The following PGBD2 variants were observed in gnomAD, a reference collection of about 807,000 sequenced individuals.
The protein encoded by PGBD2 is piggyBac transposable element derived 2, also known as piggyBac transposable element-derived protein 2.
A neutral mutation model predicts 8.1 loss-of-function variants in PGBD2; 6 were observed. That is an observed-to-expected ratio of 0.74 (90% confidence interval 0.40 to 1.46). The LOEUF is 1.46. Ranked by LOEUF, PGBD2 falls within the 40% of genes most tolerant of loss-of-function variation. The pLI, the probability that PGBD2 is intolerant of heterozygous loss-of-function variation, is 0.02. For missense variants in PGBD2, 802 were observed against 739.0 expected, an observed-to-expected ratio of 1.09 and a Z score of -0.99; for synonymous variants, 318 against 272.2, an observed-to-expected ratio of 1.17 and a Z score of -1.66.
rs1382771538 is a variant in PGBD2 at position 248,917,346 on chromosome 1, C to A, written c.762C>A (p.Cys254Ter). The A allele has an allele frequency of 3.7e-6, 6 of 1,614,158 alleles. No homozygotes were observed. The highest frequency in any genetic ancestry group is 5.1e-6 in the Non-Finnish European group (6 of 1,180,028). ...GACCTCTCATCATCCGGATGAACTGCAATTTCCAGAAGCATGCACCCTTGG... is the reference window on the plus strand; with the variant it reads ...GACCTCTCATCATCCGGATGAACTGAAATTTCCAGAAGCATGCACCCTTGG... ...KVRPLIIRMNCNFQKHAPLEE... is the reference protein window; with the variant it reads ...KVRPLIIRMN Residue 254 changes from cysteine to a stop codon, truncating the protein, a stop_gained, in exon 3 of 3, where the codon TGC becomes TGA. Coordinates refer to ENST00000329291, the MANE Select transcript of PGBD2 (RefSeq NM_170725.3). LOFTEE classifies it low-confidence loss of function (END_TRUNC).
downstream of PGBD2, among the ~76,000 whole-genome samples, chr1:248,920,610 G>A (rs1164555658): frequency 1.3e-5 from 2 of 152,278 alleles, no homozygotes; most frequent in African/African-American, 4.8e-5. Context: ...ACATATGTGT[G>A]CATGTGTCTT....
At chr1:248,895,207 A>G in the PGBD2 span, among the ~76,000 whole-genome samples, 2 of 152,186 alleles carry the variant, frequency 1.3e-5, no homozygotes, top group African/African-American at 4.8e-5. Context: ...GGAACTTAAC[A>G]AAGAGAAAGA....
chr1:248,921,534 G>A (rs1216037479), downstream of PGBD2, among the ~76,000 whole-genome samples: 2 of 152,152 alleles, frequency 1.3e-5, no homozygotes, highest in African/African-American at 2.4e-5. Flanking sequence ...TTTGCTTACT[G>A]TAGCCTTGTA....
chr1:248,908,698 T>TA (rs397747868), intron 1 of PGBD2, among the ~76,000 whole-genome samples: 3 of 151,516 alleles, frequency 2.0e-5, no homozygotes, highest in Non-Finnish European at 2.9e-5. Flanking sequence ...TTTTTTTTTT[T>TA]AAACTTCCCA....
At chr1:248,909,037 C>T (rs1183391207) in intron 1 of PGBD2, among the ~76,000 whole-genome samples, 1 of 152,192 alleles carries the variant, frequency 6.6e-6, no homozygotes, top group South Asian at 2.1e-4. Flanking sequence ...ACCTGGCACC[C>T]AGTAGATACT....
At chr1:248,879,690 G>T in the PGBD2 span, among the ~76,000 whole-genome samples, 2 of 152,250 alleles carry the variant, frequency 1.3e-5, no homozygotes, top group South Asian at 4.1e-4. Flanking sequence ...ATGAGCCACT[G>T]TGCCCTGCCT....
the PGBD2 span, among the ~76,000 whole-genome samples, chr1:248,900,265 C>A: frequency 2.0e-5 from 3 of 152,132 alleles, no homozygotes; most frequent in Admixed American, 2.0e-4. Context: ...GATACCAAGA[C>A]CTGGCAGAAA....
At chr1:248,921,627 T>C (rs1486417602), downstream of PGBD2, among the ~76,000 whole-genome samples, 4 of 152,206 alleles carry the variant, frequency 2.6e-5, no homozygotes, top group African/African-American at 4.8e-5. Context: ...TGCTCTTTTT[T>C]AGTTCCACAT....
rs773260258 is a variant in PGBD2, at chr1:248,916,854, T to C, written c.270T>C (p.Asn90=). 3 of 1,613,948 alleles carry C rather than the reference T, an allele frequency of 1.9e-6. No homozygotes were observed. Among genetic ancestry groups the C allele is most frequent in the Non-Finnish European group, 2.5e-6 (3 of 1,179,998 alleles). ...LCEDSGTGED[N]DDLELQPAKK... ...AGGACTCTGGCACCGGGGAGGATAA[T>C]GACGACCTGGAGCTGCAGCCAGCCA... Residue 90 remains asparagine, a synonymous_variant, in exon 3 of 3, where the codon AAT becomes AAC. Coordinates refer to ENST00000329291, the MANE Select transcript of PGBD2 (RefSeq NM_170725.3).
the PGBD2 span, among the ~76,000 whole-genome samples, chr1:248,898,907 T>G: frequency 1.9e-4 from 29 of 152,216 alleles, no homozygotes; most frequent in South Asian, 6.0e-3. Context: ...AAGGGATGGA[T>G]GAAAATTTAC....
the PGBD2 span, among the ~76,000 whole-genome samples, chr1:248,925,817 CG>C: frequency 6.6e-6 from 1 of 152,028 alleles, no homozygotes; most frequent in Non-Finnish European, 1.5e-5. Flanking sequence ...CCATTGCCAG[CG>C]GGGGAGTTCC....
At chr1:248,908,181 T>C (rs1661727938) in intron 1 of PGBD2, among the ~76,000 whole-genome samples, 1 of 152,236 alleles carries the variant, frequency 6.6e-6, no homozygotes, top group Admixed American at 6.5e-5. Context: ...TTAGTTGTCC[T>C]GTCTTTCCTT....
the PGBD2 span, among the ~76,000 whole-genome samples, chr1:248,927,169 C>A: frequency 6.6e-6 from 1 of 152,080 alleles, no homozygotes; most frequent in Admixed American, 6.5e-5. Context: ...AAGGAAGGAG[C>A]AAAGGGGCTG....
chr1:248,910,649 C>T (rs1661838501), intron 1 of PGBD2, among the ~76,000 whole-genome samples: 1 of 152,188 alleles, frequency 6.6e-6, no homozygotes, highest in Non-Finnish European at 1.5e-5. Context: ...CACCTGGCAT[C>T]TGCCTGCAGC....
At chr1:248,889,078 T>A in the PGBD2 span, among the ~76,000 whole-genome samples, 1 of 152,090 alleles carries the variant, frequency 6.6e-6, no homozygotes, top group Non-Finnish European at 1.5e-5. Flanking sequence ...ATAACAAGAA[T>A]GATAAAAATA....
rs1298296508 is a variant in PGBD2 at position 248,907,186 on chromosome 1, T to C, written c.-48+844T>C. Among the ~76,000 whole-genome samples, 10 of 152,266 alleles carry C rather than the reference T, an allele frequency of 6.6e-5. No individual in the cohort carries two copies. The East Asian group carries it at 9.7e-4, about 15-fold the overall frequency. The stretch of plus-strand genomic sequence containing the variant: ...CAAAGAAACATGTGAGCAAAAGAAT[T>C]TATGTCATAAGTTCAAGTGGAGGTA... On this transcript the variant is annotated intron_variant, in intron 1 of 2. Transcript: ENST00000329291.
chr1:248,896,930 C>T, the PGBD2 span, among the ~76,000 whole-genome samples: 546 of 152,244 alleles, frequency 3.6e-3, 8 homozygotes, highest in African/African-American at 0.013. Flanking sequence ...TCTTTGCAAC[C>T]CATAGATCAG....
Position 248,917,667 on chromosome 1 carries a change from C to T in PGBD2, c.1083C>T (p.Ser361=), listed in dbSNP as rs1213489469. The T allele has an allele frequency of 8.1e-6, 13 of 1,614,104 alleles. No individual in the cohort carries two copies. Among genetic ancestry groups the T allele is most frequent in the African/African-American group, 2.7e-5 (2 of 75,016 alleles). ...DKVFTSVKLM[S]ILRKKGVKAT... ...TTTTCACAAGTGTTAAACTGATGTC[C>T]ATTTTGAGGAAAAAGGGGGTGAAAG... The change falls in exon 3 of 3, where the codon TCC becomes TCT. Residue 361 remains serine (S), a synonymous_variant. Transcript: ENST00000329291.
chr1:248,914,618 C>G (rs1014904628), intron 2 of PGBD2: 2 of 1,286,584 alleles, frequency 1.6e-6, no homozygotes, highest in Admixed American at 4.6e-5. Flanking sequence ...GATGGAGGGT[C>G]CTCACGTAGA....
Sources: gnomAD v4.1 joint callset for allele counts (sites outside exome capture counted in the v4.1 genomes callset) on GRCh38, gnomAD v4.1.1 for gene constraint, MANE v1.5 for transcripts, NCBI Gene and HGNC (gene_info 2026-07-23, HGNC 2026-07-21) for gene names.